SCLT1: variants seen among roughly 807,000 people sequenced by gnomAD.
The protein encoded by SCLT1 is sodium channel-associated protein 1.
Under a neutral mutation model 112.8 loss-of-function variants are expected in SCLT1, and 78 were observed. The observed-to-expected ratio is 0.69, with a 90% CI of 0.58 to 0.83. The LOEUF (loss-of-function observed/expected upper bound fraction) is 0.83, where lower values mean the gene tolerates loss of function less well. Among genes scored for constraint, SCLT1 ranks in the 40% least tolerant of loss-of-function variants. The pLI is 0.00. For missense variants in SCLT1, 747 were observed against 770.4 expected, an observed-to-expected ratio of 0.97 and a Z score of 0.36; for synonymous variants, 257 against 254.7, an observed-to-expected ratio of 1.01 and a Z score of -0.09.
intron 16 of SCLT1, among the ~76,000 whole-genome samples, chr4:128,945,623 A>G (rs1295318724): frequency 1.3e-5 from 2 of 152,132 alleles, no homozygotes; most frequent in Non-Finnish European, 2.9e-5. Flanking sequence ...ATCATTTTAT[A>G]GATAATAAAA....
intron 9 of SCLT1, among the ~76,000 whole-genome samples, chr4:128,977,829 T>A (rs1478681564): frequency 6.6e-6 from 1 of 152,174 alleles, no homozygotes; most frequent in Non-Finnish European, 1.5e-5. Context: ...GTGTTCCAAT[T>A]GCAATGAAAA....
At chr4:129,002,367 C>T (rs974237118) in intron 6 of SCLT1, among the ~76,000 whole-genome samples, 3 of 151,932 alleles carry the variant, frequency 2.0e-5, no homozygotes, top group Non-Finnish European at 2.9e-5. Flanking sequence ...ATATATTTAA[C>T]ATAGCTGCTC....
chr4:129,022,800 A>C (rs1419187205), intron 5 of SCLT1, among the ~76,000 whole-genome samples: 1 of 152,174 alleles, frequency 6.6e-6, no homozygotes. Context: ...GGAGAACACC[A>C]CTAAGATACT....
At chr4:128,881,057 T>G (rs1732629880), downstream of SCLT1, among the ~76,000 whole-genome samples, 1 of 152,150 alleles carries the variant, frequency 6.6e-6, no homozygotes, top group African/African-American at 2.4e-5. Context: ...ATGACTTTTA[T>G]TATCTAAGCA....
chr4:128,920,449 G>A (rs750791798), intron 18 of SCLT1, among the ~76,000 whole-genome samples: 2 of 152,072 alleles, frequency 1.3e-5, no homozygotes, highest in Non-Finnish European at 2.9e-5. Flanking sequence ...ACGCCACCAC[G>A]CCCAGCTAAT....
In SCLT1 at chr4:129,019,254, T is replaced by A. The variant is rs73847381; in HGVS notation, c.291-15378A>T. Among the ~76,000 whole-genome samples, 911 of 152,164 alleles carry A rather than the reference T, an allele frequency of 6.0e-3. 7 individuals are homozygous for A. Among genetic ancestry groups the A allele is most frequent in the African/African-American group, 0.021 (870 of 41,514 alleles). On this transcript the variant is annotated intron_variant, in intron 5 of 20. Transcript: ENST00000281142. ...ATAACCAATTATTCCAAACAGACAA[T>A]AAAATGTTGGCAAAGATCATCTTTA...
intron 9 of SCLT1, among the ~76,000 whole-genome samples, chr4:128,989,665 G>A (rs58916388): frequency 0.01 from 1,547 of 151,036 alleles, 15 homozygotes; most frequent in African/African-American, 0.028. Flanking sequence ...CAAAAGATAA[G>A]TGAAAAAAAG....
chr4:128,972,313 G>A (rs1246005238), intron 9 of SCLT1: 1 of 151,902 alleles, frequency 6.6e-6, no homozygotes, highest in East Asian at 1.9e-4. Flanking sequence ...CCTTCAGAAA[G>A]GATAAAATAA....
intron 2 of SCLT1, among the ~76,000 whole-genome samples, chr4:129,074,303 A>G (rs1370513474): frequency 6.6e-6 from 1 of 152,224 alleles, no homozygotes; most frequent in Non-Finnish European, 1.5e-5. Context: ...AACACTGTTC[A>G]AAAACTATTT....
chr4:128,927,054 G>A (rs1736354742), intron 18 of SCLT1, among the ~76,000 whole-genome samples: 1 of 151,840 alleles, frequency 6.6e-6, no homozygotes, highest in African/African-American at 2.4e-5. Context: ...GATGTCAGAA[G>A]TAGAAAGTAC....
intron 9 of SCLT1, among the ~76,000 whole-genome samples, chr4:128,989,555 T>C (rs533292887): frequency 6.6e-6 from 1 of 151,554 alleles, no homozygotes; most frequent in Non-Finnish European, 1.5e-5. Context: ...TAAGGATATA[T>C]CTTAAAGAAC....
chr4:129,021,929 A>G (rs1745517062), intron 5 of SCLT1, among the ~76,000 whole-genome samples: 1 of 152,204 alleles, frequency 6.6e-6, no homozygotes, highest in Non-Finnish European at 1.5e-5. Flanking sequence ...TCCAGCTGGC[A>G]TCAGGCCGGT....
intron 5 of SCLT1, among the ~76,000 whole-genome samples, chr4:129,009,112 T>C (rs77181073): frequency 0.014 from 2,139 of 152,312 alleles, 50 homozygotes; most frequent in African/African-American, 0.046. Context: ...TGAATAACTG[T>C]TCCGATGAAC....
At chr4:128,910,269 G>GA (rs1460538553) in intron 18 of SCLT1, among the ~76,000 whole-genome samples, 1 of 152,182 alleles carries the variant, frequency 6.6e-6, no homozygotes, top group Non-Finnish European at 1.5e-5. Context: ...GTAGATGCTG[G>GA]ATGTTAACCA....
intron 18 of SCLT1, among the ~76,000 whole-genome samples, chr4:128,921,486 C>A (rs1441437727): frequency 2.0e-5 from 3 of 151,862 alleles, no homozygotes; most frequent in African/African-American, 2.4e-5. Context: ...AATAGACAGC[C>A]CAGAAATAAA....
At chr4:128,939,214 G>T (rs946934234) in intron 17 of SCLT1, among the ~76,000 whole-genome samples, 5 of 152,042 alleles carry the variant, frequency 3.3e-5, no homozygotes, top group Non-Finnish European at 7.4e-5. Flanking sequence ...CCACTATAAT[G>T]CCTTTTTATT....
chr4:129,082,045 T>C (rs532725328), intron 2 of SCLT1, among the ~76,000 whole-genome samples: 1 of 152,226 alleles, frequency 6.6e-6, no homozygotes, highest in South Asian at 2.1e-4. Context: ...ACTAGAGGTA[T>C]ATTGAGAAAC....
chr4:128,924,395 A>G (rs897664598), intron 18 of SCLT1, among the ~76,000 whole-genome samples: 9 of 151,952 alleles, frequency 5.9e-5, no homozygotes, highest in African/African-American at 2.2e-4. Flanking sequence ...CAGCTTCCTG[A>G]GTAGCTGGGA....
intron 2 of SCLT1, among the ~76,000 whole-genome samples, chr4:129,057,898 C>G (rs1033771861): frequency 6.6e-6 from 1 of 150,802 alleles, no homozygotes; most frequent in Non-Finnish European, 1.5e-5. Flanking sequence ...ATTACAGGCA[C>G]CCACCACCAC....
Sources: gnomAD v4.1 joint callset for allele counts (sites outside exome capture counted in the v4.1 genomes callset) on GRCh38, gnomAD v4.1.1 for gene constraint, MANE v1.5 for transcripts, NCBI Gene and HGNC (gene_info 2026-07-23, HGNC 2026-07-21) for gene names.